The following DSP variants were observed in gnomAD, a reference collection of about 807,000 sequenced individuals.
DSP encodes the protein desmoplakin.
In DSP, 114 loss-of-function variants were observed where a neutral mutation model predicts 290.6. That is an observed-to-expected ratio of 0.39 (90% CI 0.34 to 0.46). The LOEUF (loss-of-function observed/expected upper bound fraction) is 0.46, where lower values mean the gene tolerates loss of function less well. DSP is among the 20% of genes least tolerant of loss of function. The probability of loss-of-function intolerance (pLI) is 0.99; values close to 1 mark genes in which losing one functional copy is unlikely to be tolerated. For synonymous variants in DSP, 1,311 were observed against 1,316.4 expected (o/e 1.00, Z 0.09); for missense variants, 3,230 against 3,495.8 (o/e 0.92, Z 1.92).
In DSP at chr6:7,574,233, A is replaced by T. The variant is rs1255988475; in HGVS notation, c.2278A>T (p.Thr760Ser). Residue 760 changes from threonine to serine, a missense_variant, in exon 16 of 24, where the codon ACA (threonine) becomes TCA (serine). Physicochemically the swap from Thr to Ser is moderately conservative, Grantham distance 58. This residue lies in a region of DSP where 1,714 missense variants were observed against 1,844.5 expected (regional missense o/e 0.93). Coordinates refer to ENST00000379802, the MANE Select transcript of DSP (RefSeq NM_004415.4). ...GAAACTGGAAAATATCAATGGTGTTACAGATGGCTACTTAAATAGGTAAAC... is the reference window on the plus strand; with the variant it reads ...GAAACTGGAAAATATCAATGGTGTTTCAGATGGCTACTTAAATAGGTAAAC... The part of the protein sequence containing the change: ...FQKLENINGV[T>S]DGYLNSLCTV... 1.2e-6 allele frequency: 2 copies of T among 1,613,884 alleles called. No individual in the cohort carries two copies. The highest frequency in any genetic ancestry group is 2.2e-5 in the South Asian group (2 of 91,068).
intron 8 of DSP, 72 bp downstream of exon 8, chr6:7,566,553 G>C: frequency 8.1e-7 from 1 of 1,234,294 alleles, no homozygotes; most frequent in Non-Finnish European, 1.2e-6. Flanking sequence ...AACCAAATGA[G>C]TAATTCTTAT....
rs397516950 is a variant in DSP, at chr6:7,583,174, T to C, written c.5912T>C (p.Leu1971Pro). ...VDTSKLVFDG[L>P]RKKVTAMQLY... is the part of the protein sequence containing the mutation. The stretch of plus-strand genomic sequence containing the variant: ...ACCTCCAAGCTGGTGTTTGATGGGC[T>C]GAGGAAGAAGGTGACAGCAATGCAG... Residue 1971 changes from leucine (L) to proline (P), a missense_variant, in exon 24 of 24, where the codon CTG becomes CCG. Leu to Pro is a moderately conservative substitution (Grantham distance 98). Coordinates refer to ENST00000379802, the MANE Select transcript of DSP (RefSeq NM_004415.4). The surrounding 1 kb of genome is among the most constrained non-coding windows in gnomAD (Gnocchi z 4.0). 3.7e-6 allele frequency: 6 copies of C among 1,614,012 alleles called. No individual in the cohort carries two copies. In the African/African-American group the frequency reaches 6.7e-5, roughly 18 times the overall value.
At chr6:7,577,996 C>A in intron 21 of DSP, 110 bp downstream of exon 21, 1 of 888,140 alleles carries the variant, frequency 1.1e-6, no homozygotes, top group Non-Finnish European at 1.8e-6. Flanking sequence ...TCTTCCTTAC[C>A]ATTGCTGATT....
Position 7,580,784 on chromosome 6 carries a change from G to A in DSP, c.4594G>A (p.Glu1532Lys). The A allele has an allele frequency of 1.2e-6, 2 of 1,614,142 alleles. No homozygotes were observed. Among genetic ancestry groups the A allele is most frequent in the Non-Finnish European group, 1.7e-6 (2 of 1,180,038 alleles). The change falls in exon 23 of 24, where the codon GAG (glutamate) becomes AAG (lysine). Residue 1532 changes from glutamate to lysine, a missense_variant. Transcript: ENST00000379802. This position sits in a 1 kb window ranked among gnomAD's most constrained non-coding sequence, Gnocchi z 4.2. ...GACAATAAACAAACTGAAGGTTCAG[G>A]AGCAAGAACTGACACGCCTGAGGAT... ...TETINKLKVQ[E>K]QELTRLRIDY...
Position 7,585,649 on chromosome 6 carries a change from A to G in DSP, c.8387A>G (p.Asp2796Gly), listed in dbSNP as rs888716643. ...KDAINRSMVE[D>G]ITGLRLLEAA... ...GCCATAAATCGCTCCATGGTAGAAG[A>G]TATCACTGGGCTGCGCCTTCTGGAA... Residue 2796 changes from aspartate (D) to glycine (G), a missense_variant, in exon 24 of 24, where the codon GAT becomes GGT. Around this residue, in one of 5 missense-constraint regions of DSP, gnomAD observed 582 missense variants for 555.4 expected, o/e 1.05. Coordinates refer to ENST00000379802, the MANE Select transcript of DSP (RefSeq NM_004415.4). 6.2e-7 allele frequency: 1 copy of G among 1,614,214 alleles called. No homozygotes were observed. The highest frequency in any genetic ancestry group is 8.5e-7 in the Non-Finnish European group (1 of 1,180,046).
Position 7,582,937 on chromosome 6 carries a change from A to G in DSP, c.5675A>G (p.Lys1892Arg), listed in dbSNP as rs1286236263. Residue 1892 changes from lysine (K) to arginine (R), a missense_variant, in exon 24 of 24, where the codon AAG becomes AGG. By Grantham distance (26) the Lys-to-Arg change is conservative. Transcript: ENST00000379802. This position sits in a 1 kb window ranked among gnomAD's most constrained non-coding sequence, Gnocchi z 4.2. ...GAAAGAGAAAAGAGTGAGAGAGAGA[A>G]GAACAGTCTTAGGAGTGAGATCGAA... is the stretch of plus-strand genomic sequence containing the variant. ...ESEREKSERE[K>R]NSLRSEIERL... 1 of 1,614,134 alleles carries G rather than the reference A, an allele frequency of 6.2e-7. No individual in the cohort carries two copies. Among genetic ancestry groups the G allele is most frequent in the South Asian group, 1.1e-5 (1 of 91,088 alleles).
At position 7,553,201 on chromosome 6, in the gene DSP, C is replaced by G. The variant is rs543811308; in HGVS notation, c.171-2517C>G. Among the ~76,000 whole-genome samples, 17 of 152,256 alleles carry G rather than the reference C, an allele frequency of 1.1e-4. No homozygotes were observed. In the East Asian group the frequency reaches 2.9e-3, roughly 26 times the overall value. The stretch of plus-strand genomic sequence containing the variant: ...CCCAGGCTAGTCTTGAACTCCTGAG[C>G]TCAAGCAATCCTTTTGCCTTGGCCT... On this transcript the variant is annotated intron_variant, in intron 1 of 23. Transcript: ENST00000379802.
chr6:7,555,969 T>G, intron 2 of DSP, 149 bp downstream of exon 2: 1 of 734,512 alleles, frequency 1.4e-6, no homozygotes, highest in Admixed American at 2.0e-5. Flanking sequence ...TACAGAGAGA[T>G]GTGTGTCTTC....
chr6:7,573,936 A>G (rs1003056787), intron 15 of DSP, 150 bp from the exon 16 acceptor site: 1 of 869,476 alleles, frequency 1.2e-6, no homozygotes. Flanking sequence ...AAAGATAACC[A>G]TGGAAGTTGA....
Position 7,574,141 on chromosome 6 carries a change from T to G in DSP, c.2186T>G (p.Met729Arg), listed in dbSNP as rs758200210. ...GAGGTTCTCAACCAGCTTAAAGATA[T>G]GCTTGCCAACTTCAGAGGTTCTGAA... ...IAEVLNQLKD[M>R]LANFRGSEKY... The change falls in exon 16 of 24, where the codon ATG becomes AGG. Residue 729 changes from methionine (M) to arginine (R), a missense_variant. Met to Arg is a moderately conservative substitution (Grantham distance 91). This residue lies in a region of DSP where 1,714 missense variants were observed against 1,844.5 expected (regional missense o/e 0.93). Coordinates refer to ENST00000379802, the MANE Select transcript of DSP (RefSeq NM_004415.4). 1 of 1,614,160 alleles carries G rather than the reference T, an allele frequency of 6.2e-7. No individual in the cohort carries two copies. Among genetic ancestry groups the G allele is most frequent in the Non-Finnish European group, 8.5e-7 (1 of 1,180,004 alleles).
intron 1 of DSP, among the ~76,000 whole-genome samples, chr6:7,546,755 T>C (rs772666249): frequency 3.3e-5 from 5 of 152,228 alleles, no homozygotes; most frequent in Non-Finnish European, 7.3e-5. Context: ...TATTCTTTCA[T>C]TAATACTCTT....
intron 1 of DSP, among the ~76,000 whole-genome samples, chr6:7,545,017 A>T (rs1004074682): frequency 6.6e-6 from 1 of 152,204 alleles, no homozygotes; most frequent in African/African-American, 2.4e-5. Context: ...CATTAAAACA[A>T]ATTATAAATA....
At chr6:7,570,995 C>T (rs1026619096) in intron 13 of DSP, among the ~76,000 whole-genome samples, 2 of 152,064 alleles carry the variant, frequency 1.3e-5, no homozygotes, top group African/African-American at 2.4e-5. Context: ...CTGAAGAATC[C>T]TAGCAGGAGA....
At chr6:7,567,971 G>A (rs2113673449) in intron 10 of DSP, 65 bp downstream of exon 10, 2 of 1,599,948 alleles carry the variant, frequency 1.3e-6, no homozygotes, top group East Asian at 4.5e-5. Flanking sequence ...ACATGCCTTG[G>A]ATGCAGTTGG....
In DSP at chr6:7,575,427, G is replaced by A. The variant is rs548695484; in HGVS notation, c.2569G>A (p.Gly857Ser). The change falls in exon 18 of 24, where the codon GGT (glycine) becomes AGT (serine). Residue 857 changes from glycine to serine, a missense_variant. Gly to Ser is a moderately conservative substitution (Grantham distance 56, BLOSUM62 0). Coordinates refer to ENST00000379802, the MANE Select transcript of DSP (RefSeq NM_004415.4). ...TTATGATCTGGACTTGGGCAAGTTC[G>A]GTGAAAAAGTCACACAGCTGACAGA... ...PLYDLDLGKF[G>S]EKVTQLTDRW... is the part of the protein sequence containing the mutation. 6.2e-5 allele frequency: 100 copies of A among 1,613,920 alleles called. No homozygotes were observed. Among genetic ancestry groups the A allele is most frequent in the African/African-American group, 8.0e-5 (6 of 74,880 alleles).
chr6:7,582,973 C>T lies in DSP; in HGVS notation c.5711C>T (p.Ala1904Val), dbSNP rs1473162721. Residue 1904 changes from alanine (A) to valine (V), a missense_variant, in exon 24 of 24, where the codon GCA becomes GTA. Physicochemically the swap from Ala to Val is moderately conservative, Grantham distance 64. Around this residue, in one of 5 missense-constraint regions of DSP, gnomAD observed 1,714 missense variants for 1,844.5 expected, o/e 0.93. Transcript: ENST00000379802. The surrounding 1 kb of genome is among the most constrained non-coding windows in gnomAD (Gnocchi z 4.2). ...SLRSEIERLQ[A>V]EIKRIEERCR... ...AGGAGTGAGATCGAAAGACTCCAAG[C>T]AGAGATCAAGAGAATTGAAGAGAGG... is the stretch of plus-strand genomic sequence containing the variant. 2.5e-6 allele frequency: 4 copies of T among 1,613,910 alleles called. No individual in the cohort carries two copies. Among genetic ancestry groups the T allele is most frequent in the Middle Eastern group, 1.6e-4 (1 of 6,062 alleles).
chr6:7,581,838 A>G (rs1412024242), intron 23 of DSP, among the ~76,000 whole-genome samples: 2 of 152,218 alleles, frequency 1.3e-5, no homozygotes, highest in Non-Finnish European at 2.9e-5. Context: ...TAATACATGT[A>G]TAACTTCCTC....
In DSP at chr6:7,571,789, A is replaced by G. The variant is rs1759061297; in HGVS notation, c.1904-53A>G. On this transcript the variant is annotated intron_variant, in intron 14 of 23. Transcript: ENST00000379802. ...GTATGGATGTTTTTTGAGGCCTAGCACCTTGATACCTAGGTATTCTCTGAT... is the reference window on the plus strand; with the variant it reads ...GTATGGATGTTTTTTGAGGCCTAGCGCCTTGATACCTAGGTATTCTCTGAT... The G allele has an allele frequency of 3.2e-6, 5 of 1,579,348 alleles. No homozygotes were observed. In the South Asian group the frequency reaches 5.5e-5, roughly 17 times the overall value.
intron 13 of DSP, among the ~76,000 whole-genome samples, chr6:7,570,806 G>A (rs917245309): frequency 1.3e-5 from 2 of 152,222 alleles, no homozygotes; most frequent in African/African-American, 4.8e-5. Context: ...CAAGCCAGAA[G>A]TGCCTGTGGA....
Sources: allele counts gnomAD v4.1 joint callset (sites outside exome capture counted in the v4.1 genomes callset), GRCh38; gene constraint gnomAD v4.1.1; regional missense constraint gnomAD v4.1.1; non-coding constraint Gnocchi (gnomAD v3.1); transcripts MANE v1.5; gene names NCBI Gene and HGNC (gene_info 2026-07-23, HGNC 2026-07-21).